Variants in LHFPL3 observed in about 807,000 individuals in gnomAD.
LHFPL3 encodes LHFPL tetraspan subfamily member 3, also known as LHFPL tetraspan subfamily member 3 protein.
In LHFPL3, 5 loss-of-function variants were observed where a neutral mutation model predicts 19.3. The ratio of observed to expected loss-of-function variants is 0.26; its 90% CI spans 0.14 to 0.54. The LOEUF (loss-of-function observed/expected upper bound fraction) is 0.54, where lower values mean the gene tolerates loss of function less well. LHFPL3 is among the 20% of genes least tolerant of loss of function. The probability of loss-of-function intolerance (pLI) is 0.94; values close to 1 mark genes in which losing one functional copy is unlikely to be tolerated. For missense variants in LHFPL3, 249 were observed against 307.4 expected (o/e 0.81, Z 1.42); for synonymous variants, 133 against 126.2 (o/e 1.05, Z -0.36).
chr7:104,819,396 C>T (rs918463732), intron 2 of LHFPL3, among the ~76,000 whole-genome samples: 22 of 141,002 alleles, frequency 1.6e-4, no homozygotes, highest in African/African-American at 5.7e-4. Flanking sequence ...AAAAAAAAAA[C>T]CTGCTGTCTC....
At chr7:104,489,522 C>A (rs987600729) in intron 1 of LHFPL3, among the ~76,000 whole-genome samples, 3 of 150,848 alleles carry the variant, frequency 2.0e-5, no homozygotes, top group South Asian at 2.1e-4. Flanking sequence ...GCATCCCCAT[C>A]ATCTAGTGTG....
chr7:104,802,516 G>T (rs76618802), intron 2 of LHFPL3, among the ~76,000 whole-genome samples: 34,701 of 110,996 alleles, frequency 0.31, 4,798 homozygotes, highest in South Asian at 0.46. Flanking sequence ...AAAAAAAAAA[G>T]AGAGAGAGAG....
intron 2 of LHFPL3, among the ~76,000 whole-genome samples, chr7:104,827,459 G>A (rs1336804323): frequency 6.6e-6 from 1 of 151,978 alleles, no homozygotes; most frequent in African/African-American, 2.4e-5. Flanking sequence ...TGTGAAACTA[G>A]TGTCACCTTA....
At chr7:104,552,414 T>C (rs1584396408) in intron 1 of LHFPL3, among the ~76,000 whole-genome samples, 1 of 152,184 alleles carries the variant, frequency 6.6e-6, no homozygotes, top group East Asian at 1.9e-4. Context: ...TCAGTGGATT[T>C]GCAAGGAGAC....
chr7:104,479,933 A>G (rs1354063906), intron 1 of LHFPL3, among the ~76,000 whole-genome samples: 1 of 152,198 alleles, frequency 6.6e-6, no homozygotes, highest in East Asian at 1.9e-4. Flanking sequence ...CTCTACAATT[A>G]ATGTATAAGA....
At position 104,505,479 on chromosome 7, in the gene LHFPL3, G is replaced by T. The variant is rs117583357; in HGVS notation, c.445+176255G>T. On this transcript the variant is annotated intron_variant, in intron 1 of 2. Transcript: ENST00000424859. ...AAAAGTTGAATCTGGTAAAGATGAA[G>T]ACTGGTGAGCTGTCAGTGAGTTCCA... Among the ~76,000 whole-genome samples the T allele has an allele frequency of 4.3e-3, 661 of 152,300 alleles. 2 individuals carry two copies. The highest frequency in any genetic ancestry group is 7.2e-3 in the Non-Finnish European group (488 of 68,024).
At chr7:104,493,208 GC>G (rs1562914874) in intron 1 of LHFPL3, among the ~76,000 whole-genome samples, 2 of 151,864 alleles carry the variant, frequency 1.3e-5, no homozygotes, top group Admixed American at 6.6e-5. Flanking sequence ...AGGGAATCTG[GC>G]CCCCCACTTT....
At chr7:104,351,552 T>C (rs1319399526) in intron 1 of LHFPL3, among the ~76,000 whole-genome samples, 1 of 152,190 alleles carries the variant, frequency 6.6e-6, no homozygotes, top group East Asian at 1.9e-4. Context: ...ACGAGGCTGA[T>C]AAAATTATTT....
At chr7:104,430,415 T>TAC (rs1791958361) in intron 1 of LHFPL3, among the ~76,000 whole-genome samples, 2 of 23,974 alleles carry the variant, frequency 8.3e-5, no homozygotes, top group Non-Finnish European at 1.3e-4. Flanking sequence ...CATATATATA[T>TAC]ATACATATAT....
In LHFPL3 at chr7:104,357,828, G is replaced by A. The variant is rs146518750; in HGVS notation, c.445+28604G>A. The stretch of plus-strand genomic sequence containing the variant: ...TTCCTCTTTCCTCTTTTTCATCTCA[G>A]TTCTGCTCTTAAGGCTTCCAACTGA... On this transcript the variant is annotated intron_variant, in intron 1 of 2. Coordinates refer to ENST00000424859, the MANE Select transcript of LHFPL3 (RefSeq NM_199000.3). Among the ~76,000 whole-genome samples, 7 of 151,948 alleles carry A rather than the reference G, an allele frequency of 4.6e-5. No homozygotes were observed. In the East Asian group the frequency reaches 1.4e-3, roughly 29 times the overall value.
intron 1 of LHFPL3, among the ~76,000 whole-genome samples, chr7:104,451,094 T>C (rs971658762): frequency 6.6e-6 from 1 of 152,116 alleles, no homozygotes; most frequent in African/African-American, 2.4e-5. Flanking sequence ...TAAAACCAAC[T>C]GAGACTAGGA....
chr7:104,607,694 G>A (rs2018169), intron 1 of LHFPL3, among the ~76,000 whole-genome samples: 139,050 of 152,110 alleles, frequency 0.91, 63,954 homozygotes, highest in East Asian at 0.99. Context: ...AGAAACTACC[G>A]TCAGAGTGAA....
intron 1 of LHFPL3, among the ~76,000 whole-genome samples, chr7:104,459,446 G>C (rs1359659270): frequency 6.6e-6 from 1 of 152,146 alleles, no homozygotes; most frequent in Non-Finnish European, 1.5e-5. Context: ...AGATACATTG[G>C]CCAGGAATAT....
intron 2 of LHFPL3, among the ~76,000 whole-genome samples, chr7:104,777,503 G>A (rs1301995153): frequency 6.6e-6 from 1 of 152,208 alleles, no homozygotes; most frequent in Non-Finnish European, 1.5e-5. Context: ...TTGGACTAAG[G>A]AGCCACAGGG....
intron 2 of LHFPL3, among the ~76,000 whole-genome samples, chr7:104,811,166 C>CT (rs112135860): frequency 0.12 from 2,132 of 18,032 alleles, 56 homozygotes; most frequent in East Asian, 0.3. Flanking sequence ...TTCTTTCTTT[C>CT]TTTCTTTTCT....
At chr7:104,649,415 G>A (rs1184830777) in intron 1 of LHFPL3, among the ~76,000 whole-genome samples, 2 of 152,186 alleles carry the variant, frequency 1.3e-5, no homozygotes, top group African/African-American at 2.4e-5. Flanking sequence ...CAGAGTGGGG[G>A]AGAGGGTCTT....
At chr7:104,365,801 A>AAAAAAAAG (rs893610992) in intron 1 of LHFPL3, among the ~76,000 whole-genome samples, 39 of 142,232 alleles carry the variant, frequency 2.7e-4, no homozygotes, top group African/African-American at 6.7e-4. Context: ...AAAAAAAAAA[A>AAAAAAAAG]AAAAGAAAAG....
At chr7:104,547,419 A>G (rs1159089168) in intron 1 of LHFPL3, among the ~76,000 whole-genome samples, 1 of 152,184 alleles carries the variant, frequency 6.6e-6, no homozygotes, top group East Asian at 1.9e-4. Context: ...TCAGTAGAGC[A>G]GTATATTCCA....
At chr7:104,724,402 A>G (rs1304605170) in intron 1 of LHFPL3, among the ~76,000 whole-genome samples, 1 of 152,244 alleles carries the variant, frequency 6.6e-6, no homozygotes, top group African/African-American at 2.4e-5. Flanking sequence ...CATTGTCAGA[A>G]AATAAAACTT....
Sources: gnomAD v4.1 joint callset for allele counts (sites outside exome capture counted in the v4.1 genomes callset) on GRCh38, gnomAD v4.1.1 for gene constraint, MANE v1.5 for transcripts, NCBI Gene and HGNC (gene_info 2026-07-23, HGNC 2026-07-21) for gene names.